Variants in COL4A6 observed in about 807,000 individuals in gnomAD.
The protein encoded by COL4A6 is collagen alpha-6(IV) chain.
Under a neutral mutation model 126.7 loss-of-function variants are expected in COL4A6, and 59 were observed. The ratio of observed to expected loss-of-function variants is 0.47; its 90% CI spans 0.38 to 0.58. The LOEUF is 0.58. COL4A6 is among the 20% of genes least tolerant of loss of function. The probability of loss-of-function intolerance (pLI) is 0.00; values close to 1 mark genes in which losing one functional copy is unlikely to be tolerated. For missense variants in COL4A6, 1,285 were observed against 1,337.3 expected, an observed-to-expected ratio of 0.96 and a Z score of 0.61; for synonymous variants, 547 against 496.6, an observed-to-expected ratio of 1.10 and a Z score of -1.35.
intron 2 of COL4A6, among the ~76,000 whole-genome samples, chrX:108,399,248 A>G (rs1052407348): frequency 1.8e-5 from 2 of 111,482 alleles, no homozygotes; most frequent in Admixed American, 9.6e-5. Flanking sequence ...TTACGAACTC[A>G]TTCAGTTTAA....
At chrX:108,204,933 A>C (rs895756871) in intron 11 of COL4A6, among the ~76,000 whole-genome samples, 7 of 109,723 alleles carry the variant, frequency 6.4e-5, no homozygotes, top group Non-Finnish European at 1.1e-4. Context: ...AAATGAGAGA[A>C]GGAGGGAAAT....
intron 2 of COL4A6, among the ~76,000 whole-genome samples, chrX:108,365,090 G>A (rs1027193634): frequency 1.8e-5 from 2 of 111,503 alleles, no homozygotes; most frequent in Admixed American, 9.5e-5. Context: ...GTCTACCTGA[G>A]GGTTCGTACT....
At chrX:108,337,730 A>C (rs1056102356) in intron 2 of COL4A6, among the ~76,000 whole-genome samples, 1 of 112,538 alleles carries the variant, frequency 8.9e-6, no homozygotes, top group Non-Finnish European at 1.9e-5. Context: ...ATTCAATGAG[A>C]TAATGCAAGC....
chrX:108,207,094 C>T (rs1267418744), intron 8 of COL4A6, among the ~76,000 whole-genome samples: 2 of 111,673 alleles, frequency 1.8e-5, no homozygotes, highest in Admixed American at 9.5e-5. Context: ...TTAGGTGTTT[C>T]ATTGTATGTA....
At chrX:108,177,646 C>A (rs1426106304) in intron 27 of COL4A6, among the ~76,000 whole-genome samples, 1 of 112,236 alleles carries the variant, frequency 8.9e-6, no homozygotes, top group African/African-American at 3.2e-5. Context: ...ATGGGATTAA[C>A]CTCCTGAGCT....
At chrX:108,404,087 C>A (rs988582766) in intron 2 of COL4A6, among the ~76,000 whole-genome samples, 6 of 111,436 alleles carry the variant, frequency 5.4e-5, no homozygotes, top group African/African-American at 2.0e-4. Flanking sequence ...CAGTGCAACT[C>A]CCATATTTCT....
chrX:108,234,695 G>A (rs929641605), intron 3 of COL4A6, among the ~76,000 whole-genome samples: 2 of 112,004 alleles, frequency 1.8e-5, no homozygotes, highest in Non-Finnish European at 3.8e-5. Context: ...AGAAAGGCAG[G>A]AGGGATATGA....
chrX:108,162,390 GGAA>G (rs2033976568), intron 41 of COL4A6, among the ~76,000 whole-genome samples: 1 of 106,367 alleles, frequency 9.4e-6, no homozygotes, highest in East Asian at 2.9e-4. Context: ...AGGAGGAGGA[GGAA>G]GAAGAAAAGA....
At chrX:108,170,126 C>T (rs1445247427) in intron 35 of COL4A6, 110 bp from the exon 36 acceptor site, 1 of 668,367 alleles carries the variant, frequency 1.5e-6, no homozygotes, top group Non-Finnish European at 2.3e-6. Context: ...TTTTAAAGTC[C>T]TGGTCTTTTT....
At chrX:108,191,265 C>T in intron 19 of COL4A6, 128 bp downstream of exon 19, 1 of 824,184 alleles carries the variant, frequency 1.2e-6, no homozygotes, top group Non-Finnish European at 1.7e-6. Context: ...CATGGCTGCC[C>T]CTCTGCAATT....
At chrX:108,349,421 G>C (rs907572187) in intron 2 of COL4A6, among the ~76,000 whole-genome samples, 1 of 111,714 alleles carries the variant, frequency 9.0e-6, no homozygotes, top group Non-Finnish European at 1.9e-5. Context: ...TAATTAGGGG[G>C]CTCAGACTTT....
At position 108,171,443 on chromosome X, in the gene COL4A6, A is replaced by G. The variant is rs757173085; in HGVS notation, c.3221T>C (p.Val1074Ala). ...GGGTCCTGGGCTACCGGAAATTTCA[A>G]CTGTCTGGCCGTTGTCTCCTGAGGA... is the stretch of plus-strand genomic sequence containing the variant. Reference protein sequence around the residue: ...PGLKGDNGQTVEISGSPGPKG... With the variant: ...PGLKGDNGQTAEISGSPGPKG... Residue 1074 changes from valine to alanine, a missense_variant, in exon 33 of 45, where the codon GTT becomes GCT. Physicochemically the swap from Val to Ala is moderately conservative, Grantham distance 64. Coordinates refer to ENST00000334504, the MANE Select transcript of COL4A6 (RefSeq NM_033641.4). 12 of 1,208,931 alleles carry G rather than the reference A, an allele frequency of 9.9e-6. No homozygotes were observed. In the African/African-American group the frequency reaches 1.6e-4, roughly 16 times the overall value.
intron 5 of COL4A6, among the ~76,000 whole-genome samples, chrX:108,215,701 T>C (rs1276659704): frequency 9.0e-6 from 1 of 111,231 alleles, no homozygotes; most frequent in African/African-American, 3.3e-5. Flanking sequence ...AATTTTTCCA[T>C]AGTCTTAGTT....
rs2034666546 is a variant in COL4A6 at position 108,180,922 on chromosome X, T to A, written c.1998A>T (p.Gly666=). ...CTGGGAATCCGGGAGTGCCTGGAAA[T>A]CCTGATGGACCGTATGACCCAGGAA... The part of the protein sequence containing the change: ...CIIPGSYGPS[G]FPGTPGFPGP... Residue 666 remains glycine, a synonymous_variant, in exon 24 of 45, where the codon GGA becomes GGT. Coordinates refer to ENST00000334504, the MANE Select transcript of COL4A6 (RefSeq NM_033641.4). 1.7e-6 allele frequency: 2 copies of A among 1,211,382 alleles called. No homozygotes were observed. The highest frequency in any genetic ancestry group is 3.5e-5 in the South Asian group (2 of 56,901).
At chrX:108,438,933 T>G (rs1248939231), upstream of COL4A6, among the ~76,000 whole-genome samples, 1 of 112,755 alleles carries the variant, frequency 8.9e-6, no homozygotes, top group Non-Finnish European at 1.9e-5. Context: ...TTCTTGAAGA[T>G]TCTCCAAGGA....
At chrX:108,160,284 G>A (rs1258318233) in intron 43 of COL4A6, among the ~76,000 whole-genome samples, 179 bp downstream of exon 43, 1 of 112,601 alleles carries the variant, frequency 8.9e-6, no homozygotes, top group African/African-American at 3.2e-5. Context: ...CTAATGCAGT[G>A]TACACAGCTA....
chrX:108,369,011 A>C (rs1463234746), intron 2 of COL4A6, among the ~76,000 whole-genome samples: 2 of 112,072 alleles, frequency 1.8e-5, no homozygotes, highest in Non-Finnish European at 3.8e-5. Flanking sequence ...ACTTTACAAT[A>C]ATGATAATAG....
chrX:108,289,978 T>C (rs1358252586), intron 3 of COL4A6, among the ~76,000 whole-genome samples: 1 of 111,720 alleles, frequency 9.0e-6, no homozygotes, highest in Non-Finnish European at 1.9e-5. Flanking sequence ...TACTAATCAG[T>C]GTCCCCCTCT....
At chrX:108,298,332 T>C (rs979193769) in intron 3 of COL4A6, among the ~76,000 whole-genome samples, 1 of 112,951 alleles carries the variant, frequency 8.9e-6, no homozygotes, top group African/African-American at 3.2e-5. Flanking sequence ...ACTCTGGCTC[T>C]GGCCGTGGCC....
Sources: gnomAD v4.1 joint callset for allele counts (sites outside exome capture counted in the v4.1 genomes callset) on GRCh38, gnomAD v4.1.1 for gene constraint, MANE v1.5 for transcripts, NCBI Gene and HGNC (gene_info 2026-07-23, HGNC 2026-07-21) for gene names.